Variants in AKAP14 observed in about 807,000 individuals in gnomAD.
The protein encoded by AKAP14 is A-kinase anchor protein 14.
AKAP14 carries 4 observed loss-of-function variants against 17.0 expected under a neutral mutation model. The observed-to-expected ratio is 0.23, with a 90% CI of 0.12 to 0.54. AKAP14 has a LOEUF of 0.54. Among genes scored for constraint, AKAP14 ranks in the 20% least tolerant of loss-of-function variants. The pLI, the probability that AKAP14 is intolerant of heterozygous loss-of-function variation, is 0.95. For synonymous variants in AKAP14, 42 were observed against 51.3 expected (o/e 0.82, Z 0.77); for missense variants, 129 against 150.9 (o/e 0.85, Z 0.76).
intron 2 of AKAP14, 24 bp downstream of exon 2, chrX:119,896,291 G>C (rs1168322889): frequency 9.2e-6 from 1 of 108,985 alleles, no homozygotes; most frequent in African/African-American, 3.4e-5. Context: ...TCCGGGGTGG[G>C]GGAGTCCACA....
rs10637499 is a variant in AKAP14, at chrX:119,906,225, C to CTTTTT, written c.261+2662_261+2666dup. ...CACTAATGCAGCATGCCTGGCATTT[C>CTTTTT]TTTTTTTTTTTTTTTTTTTTTTTTT... On this transcript the variant is annotated intron_variant, in intron 4 of 6. Transcript: ENST00000371431. 1.4e-4 allele frequency among the ~76,000 whole-genome samples: 7 copies of CTTTTT among 50,887 alleles called. 1 individual carries two copies. Among genetic ancestry groups the CTTTTT allele is most frequent in the African/African-American group, 3.5e-4 (4 of 11,340 alleles). The allele number at this position is 50,887 out of a possible 115,157, so 44.2% of individuals were successfully genotyped here. A position where few individuals can be genotyped will look rare whatever the true frequency, so the allele number is the denominator to read the frequency against.
chrX:119,909,535 TAA>T (rs59646125), intron 4 of AKAP14, among the ~76,000 whole-genome samples: 1 of 75,712 alleles, frequency 1.3e-5, no homozygotes. Flanking sequence ...CTCAAAAACA[TAA>T]AAAAAAAAAA....
At chrX:119,901,748 G>A (rs183313465) in intron 2 of AKAP14, among the ~76,000 whole-genome samples, 2 of 102,790 alleles carry the variant, frequency 1.9e-5, no homozygotes, top group East Asian at 6.4e-4. Context: ...GCTGGCTCAC[G>A]CCTGTAATCC....
At chrX:119,906,215 C>A (rs1346421747) in intron 4 of AKAP14, among the ~76,000 whole-genome samples, 1 of 102,839 alleles carries the variant, frequency 9.7e-6, no homozygotes, top group African/African-American at 3.7e-5. Flanking sequence ...ATGCAGCATG[C>A]CTGGCATTTC....
At chrX:119,896,573 G>C (rs2056528922) in intron 2 of AKAP14, among the ~76,000 whole-genome samples, 2 of 110,503 alleles carry the variant, frequency 1.8e-5, no homozygotes, top group African/African-American at 6.6e-5. Context: ...ACGTGTGAGG[G>C]TAAAAATTGA....
At chrX:119,917,402 T>C (rs1224293233) in intron 5 of AKAP14, among the ~76,000 whole-genome samples, 1 of 110,397 alleles carries the variant, frequency 9.1e-6, no homozygotes, top group African/African-American at 3.3e-5. Context: ...TCACCTGAGG[T>C]TGGGAGTTCC....
At chrX:119,908,560 G>A (rs2056611061) in intron 4 of AKAP14, among the ~76,000 whole-genome samples, 1 of 111,829 alleles carries the variant, frequency 8.9e-6, no homozygotes, top group East Asian at 2.8e-4. Flanking sequence ...CAAAATACCC[G>A]TTTCTATTAC....
chrX:119,917,637 G>A (rs1030727573), intron 5 of AKAP14, among the ~76,000 whole-genome samples: 2 of 108,777 alleles, frequency 1.8e-5, no homozygotes, highest in African/African-American at 3.3e-5. Context: ...AAATATAGCC[G>A]GGTCTGGTGG....
In AKAP14 at chrX:119,897,917, G is replaced by A. The variant is rs963716754; in HGVS notation, c.-11+1650G>A. Among the ~76,000 whole-genome samples, 101 of 112,246 alleles carry A rather than the reference G, an allele frequency of 9.0e-4. 4 individuals are homozygous for A. The highest frequency in any genetic ancestry group is 1.1e-4 in the Non-Finnish European group (6 of 53,237). ...GGAGGCCGAGGTGGGCAGATCACCCGAGGTCAGGGGTTGAAGACCAGCCTG... is the reference window on the plus strand; with the variant it reads ...GGAGGCCGAGGTGGGCAGATCACCCAAGGTCAGGGGTTGAAGACCAGCCTG... On this transcript the variant is annotated intron_variant, in intron 2 of 6. Coordinates refer to ENST00000371431, the MANE Select transcript of AKAP14 (RefSeq NM_178813.6).
chrX:119,914,833 T>C lies in AKAP14; in HGVS notation c.396T>C (p.Ser132=), dbSNP rs1244227748. 4 of 1,211,118 alleles carry C rather than the reference T, an allele frequency of 3.3e-6. No individual in the cohort carries two copies. Among genetic ancestry groups the C allele is most frequent in the Non-Finnish European group, 4.5e-6 (4 of 895,062 alleles). The change falls in exon 5 of 7, where the codon TCT becomes TCC. Residue 132 remains serine, a synonymous_variant. Coordinates refer to ENST00000371431, the MANE Select transcript of AKAP14 (RefSeq NM_178813.6). ...STADLPVARI[S]AGTYFTMKVS... ...CTGACCTACCCGTAGCACGAATCTC[T>C]GCTGGTACCTACTTCACCATGAAGG...
chrX:119,903,196 ACTT>A lies in AKAP14; in HGVS notation c.-10-14_-10-12del. 1 of 1,200,623 alleles carries A rather than the reference ACTT, an allele frequency of 8.3e-7. No individual in the cohort carries two copies. The highest frequency in any genetic ancestry group is 1.8e-5 in the South Asian group (1 of 55,153). ...TGTGTACACACACAGGCACACAGTA[ACTT>A]CTTTTTTTCCCCAGGAAAAAGAAAA... On this transcript the variant is annotated splice_polypyrimidine_tract_variant and intron_variant, in intron 2 of 6. Coordinates refer to ENST00000371431, the MANE Select transcript of AKAP14 (RefSeq NM_178813.6).
chrX:119,913,059 A>G (rs922043409), intron 4 of AKAP14, among the ~76,000 whole-genome samples: 1 of 109,448 alleles, frequency 9.1e-6, no homozygotes, highest in African/African-American at 3.3e-5. Flanking sequence ...AGGCTGAGGC[A>G]GGCGGATTGC....
At chrX:119,910,960 C>A (rs979625507) in intron 4 of AKAP14, among the ~76,000 whole-genome samples, 1 of 108,604 alleles carries the variant, frequency 9.2e-6, no homozygotes, top group Non-Finnish European at 1.9e-5. Flanking sequence ...CTGTGCCCGG[C>A]CTTTTTCTTC....
intron 5 of AKAP14, among the ~76,000 whole-genome samples, chrX:119,916,433 AATCTATCTATCTATCTATCT>A (rs66480348): frequency 1.2e-3 from 120 of 99,168 alleles, no homozygotes; most frequent in African/African-American, 4.2e-3. Context: ...CTGCCTATCT[AATCTATCTATCTATCTATCT>A]ATCTATCTAT....
intron 6 of AKAP14, 80 bp from the exon 7 acceptor site, chrX:119,920,428 A>G: frequency 1.2e-6 from 1 of 811,585 alleles, no homozygotes; most frequent in African/African-American, 2.0e-5. Context: ...AAAAGAGTAA[A>G]TAGGGAATCC....
At chrX:119,909,341 C>T (rs1051986589) in intron 4 of AKAP14, among the ~76,000 whole-genome samples, 2 of 108,975 alleles carry the variant, frequency 1.8e-5, no homozygotes, top group Non-Finnish European at 3.8e-5. Context: ...GCTGCCGAAG[C>T]GAGCACAGAA....
intron 5 of AKAP14, among the ~76,000 whole-genome samples, chrX:119,915,505 C>T (rs1226992225): frequency 1.3e-5 from 1 of 78,901 alleles, no homozygotes; most frequent in Admixed American, 1.5e-4. Context: ...ATCCAGAATC[C>T]AACAAATTTT....
intron 5 of AKAP14, among the ~76,000 whole-genome samples, chrX:119,918,320 T>C (rs2056670539): frequency 8.9e-6 from 1 of 111,889 alleles, no homozygotes; most frequent in South Asian, 3.7e-4. Context: ...CAACCTCTGC[T>C]TCCTGGGTTT....
chrX:119,917,121 A>T (rs2056663770), intron 5 of AKAP14, among the ~76,000 whole-genome samples: 1 of 107,426 alleles, frequency 9.3e-6, no homozygotes, highest in African/African-American at 3.4e-5. Context: ...AAAAAAAATT[A>T]AAAAAATAAT....
Sources: gnomAD v4.1 joint callset for allele counts (sites outside exome capture counted in the v4.1 genomes callset) on GRCh38, gnomAD v4.1.1 for gene constraint, MANE v1.5 for transcripts, NCBI Gene and HGNC (gene_info 2026-07-23, HGNC 2026-07-21) for gene names.